Variants in ALDH1A2 observed in about 807,000 individuals in gnomAD.
ALDH1A2 encodes retinal dehydrogenase 2.
In ALDH1A2, 27 loss-of-function variants were observed where a neutral mutation model predicts 60.3. The ratio of observed to expected loss-of-function variants is 0.45; its 90% CI spans 0.33 to 0.62. The LOEUF (loss-of-function observed/expected upper bound fraction) is 0.62, where lower values mean the gene tolerates loss of function less well. ALDH1A2 is among the 20% of genes least tolerant of loss of function. The pLI, the probability that ALDH1A2 is intolerant of heterozygous loss-of-function variation, is 0.02. For missense variants in ALDH1A2, 581 were observed against 643.8 expected (o/e 0.90, Z 1.06); for synonymous variants, 289 against 232.4 (o/e 1.24, Z -2.21).
chr15:57,974,990 T>C (rs527328256), intron 7 of ALDH1A2, among the ~76,000 whole-genome samples: 9 of 152,348 alleles, frequency 5.9e-5, no homozygotes, highest in South Asian at 2.1e-4. Context: ...TGGTAGAGAA[T>C]TGGAAATTAA....
At chr15:58,020,742 G>A (rs1895904118) in intron 1 of ALDH1A2, among the ~76,000 whole-genome samples, 2 of 151,922 alleles carry the variant, frequency 1.3e-5, no homozygotes, top group East Asian at 3.9e-4. Context: ...TTTATTTGAT[G>A]CAGGTTTCTG....
At chr15:57,995,957 T>C (rs1328249450) in intron 4 of ALDH1A2, among the ~76,000 whole-genome samples, 1 of 152,172 alleles carries the variant, frequency 6.6e-6, no homozygotes, top group Non-Finnish European at 1.5e-5. Flanking sequence ...AAAGAATGGC[T>C]CATTTTTAGC....
intron 7 of ALDH1A2, among the ~76,000 whole-genome samples, chr15:57,986,727 C>T (rs899863846): frequency 1.4e-4 from 21 of 152,048 alleles, no homozygotes; most frequent in Admixed American, 7.9e-4. Context: ...GGCTGGAGTG[C>T]GGTGGTGTGA....
chr15:58,003,394 A>AATC (rs1266903318), intron 4 of ALDH1A2, among the ~76,000 whole-genome samples: 1 of 151,898 alleles, frequency 6.6e-6, no homozygotes, highest in Non-Finnish European at 1.5e-5. Flanking sequence ...TTCAAGGCAA[A>AATC]ATCTTAGGAT....
intron 12 of ALDH1A2, among the ~76,000 whole-genome samples, chr15:57,956,915 A>C (rs3742959): frequency 2.0e-5 from 3 of 152,022 alleles, no homozygotes; most frequent in South Asian, 2.1e-4. Flanking sequence ...GAAACCTCAC[A>C]ATTATGGTTG....
chr15:57,981,748 A>T (rs1255505306), intron 7 of ALDH1A2, among the ~76,000 whole-genome samples: 3 of 152,222 alleles, frequency 2.0e-5, no homozygotes. Flanking sequence ...CATTTTAAAA[A>T]TAAATAGAAA....
intron 1 of ALDH1A2, among the ~76,000 whole-genome samples, chr15:58,017,983 A>G (rs1313462896): frequency 3.9e-5 from 6 of 152,166 alleles, no homozygotes; most frequent in African/African-American, 1.4e-4. Context: ...GGTACATGGA[A>G]TAACAAATAT....
intron 1 of ALDH1A2, chr15:58,038,476 A>T (rs1340434302): frequency 6.6e-6 from 1 of 151,804 alleles, no homozygotes; most frequent in Non-Finnish European, 1.5e-5. Context: ...GACTTGGCTA[A>T]AACAGACCCA....
At chr15:57,976,337 G>A (rs981131666) in intron 7 of ALDH1A2, among the ~76,000 whole-genome samples, 1 of 152,116 alleles carries the variant, frequency 6.6e-6, no homozygotes, top group East Asian at 1.9e-4. Context: ...TGCAGAAAGT[G>A]GAGGTTTTTT....
chr15:58,039,891 T>C (rs887595245), intron 1 of ALDH1A2, among the ~76,000 whole-genome samples: 1 of 151,780 alleles, frequency 6.6e-6, no homozygotes, highest in Admixed American at 6.6e-5. Flanking sequence ...AATCATTTCT[T>C]AGTCACCTAT....
chr15:58,038,448 A>T (rs1896431256), intron 1 of ALDH1A2: 1 of 151,752 alleles, frequency 6.6e-6, no homozygotes, highest in African/African-American at 2.4e-5. Context: ...CCCATGAGTG[A>T]TCCATTTGTA....
intron 7 of ALDH1A2, among the ~76,000 whole-genome samples, chr15:57,984,607 A>G (rs1894635130): frequency 6.6e-6 from 1 of 152,236 alleles, no homozygotes; most frequent in Non-Finnish European, 1.5e-5. Flanking sequence ...TCATACAGTC[A>G]CATGATACAG....
At chr15:58,029,548 G>C (rs527424548) in intron 1 of ALDH1A2, among the ~76,000 whole-genome samples, 1 of 147,272 alleles carries the variant, frequency 6.8e-6, no homozygotes, top group South Asian at 2.2e-4. Flanking sequence ...TAAGATGAGA[G>C]CAGAACTGAA....
chr15:57,976,653 C>G (rs1240372820), intron 7 of ALDH1A2, among the ~76,000 whole-genome samples: 1 of 152,132 alleles, frequency 6.6e-6, no homozygotes, highest in Admixed American at 6.5e-5. Context: ...TTTTCTTTAT[C>G]CAGTCTATCA....
At chr15:57,964,361 G>A (rs1457469512) in intron 8 of ALDH1A2, 4 of 355,278 alleles carry the variant, frequency 1.1e-5, no homozygotes, top group Non-Finnish European at 2.1e-5. Flanking sequence ...TGGGAGATAA[G>A]GTACAGGTAT....
At chr15:58,027,469 T>C (rs1349007195) in intron 1 of ALDH1A2, among the ~76,000 whole-genome samples, 2 of 152,120 alleles carry the variant, frequency 1.3e-5, no homozygotes, top group Non-Finnish European at 2.9e-5. Context: ...GTGAAAATTC[T>C]AAAAACCAGA....
chr15:58,053,410 G>A (rs1259615588), intron 1 of ALDH1A2, among the ~76,000 whole-genome samples: 3 of 152,092 alleles, frequency 2.0e-5, no homozygotes, highest in African/African-American at 7.2e-5. Flanking sequence ...TATTTCAACA[G>A]TTGTCCCCTT....
intron 4 of ALDH1A2, 50 bp downstream of exon 4, chr15:58,010,599 T>TAG (rs758103522): frequency 1.2e-6 from 2 of 1,607,794 alleles, no homozygotes; most frequent in Non-Finnish European, 1.7e-6. Flanking sequence ...CCAAAGCGCA[T>TAG]TTCTGGTGGT....
At chr15:57,975,031 T>A (rs1169972679) in intron 7 of ALDH1A2, among the ~76,000 whole-genome samples, 9 of 152,234 alleles carry the variant, frequency 5.9e-5, no homozygotes, top group Non-Finnish European at 1.5e-5. Context: ...ATATACCTAT[T>A]TGAATGGCTA....
Sources: gnomAD v4.1 joint callset for allele counts (sites outside exome capture counted in the v4.1 genomes callset) on GRCh38, gnomAD v4.1.1 for gene constraint, MANE v1.5 for transcripts, NCBI Gene and HGNC (gene_info 2026-07-23, HGNC 2026-07-21) for gene names.